WDPCP: variants seen among roughly 807,000 people sequenced by gnomAD.
The protein encoded by WDPCP is WD repeat-containing and planar cell polarity effector protein fritz homolog.
A neutral mutation model predicts 93.1 loss-of-function variants in WDPCP; 71 were observed. The ratio of observed to expected loss-of-function variants is 0.76; its 90% CI spans 0.63 to 0.93. The LOEUF is 0.93. Among genes scored for constraint, WDPCP ranks in the 40% least tolerant of loss-of-function variants. The pLI is 0.00. For missense variants in WDPCP, 844 were observed against 887.4 expected (o/e 0.95, Z 0.62); for synonymous variants, 315 against 315.0 (o/e 1.00, Z 0.00).
chr2:63,809,673 C>T (rs568166500), intron 2 of WDPCP, among the ~76,000 whole-genome samples: 24 of 151,890 alleles, frequency 1.6e-4, no homozygotes, highest in Admixed American at 4.6e-4. Context: ...GGATTAAGGG[C>T]GGTGCAAGAT....
At chr2:63,717,304 G>A in intron 2 of WDPCP, 1 of 535,798 alleles carries the variant, frequency 1.9e-6, no homozygotes, top group South Asian at 1.5e-5. Flanking sequence ...GATGGTGGCA[G>A]GCCAAATCAC....
intron 2 of WDPCP, among the ~76,000 whole-genome samples, chr2:63,780,167 T>G (rs547490431): frequency 1.3e-5 from 2 of 152,298 alleles, no homozygotes; most frequent in South Asian, 4.1e-4. Context: ...ACTCACATTT[T>G]CAGCTATGCA....
intron 6 of WDPCP, among the ~76,000 whole-genome samples, chr2:63,464,453 A>G (rs1699214860): frequency 2.0e-5 from 3 of 152,286 alleles, no homozygotes; most frequent in African/African-American, 7.2e-5. Context: ...AAATGGTGCA[A>G]CCACTATGAA....
At chr2:63,589,043 C>T (rs572354778), upstream of WDPCP, 99 of 1,614,230 alleles carry the variant, frequency 6.1e-5, no homozygotes, top group Middle Eastern at 1.3e-3. Context: ...AGTTTTCAAT[C>T]ATGGTGAGTG....
intron 14 of WDPCP, among the ~76,000 whole-genome samples, chr2:63,209,280 C>T (rs1213263345): frequency 6.6e-6 from 1 of 152,170 alleles, no homozygotes; most frequent in Non-Finnish European, 1.5e-5. Context: ...GCTGTTTCTG[C>T]CATACTCATT....
chr2:63,717,766 A>G (rs953074802), intron 2 of WDPCP: 1 of 369,504 alleles, frequency 2.7e-6, no homozygotes, highest in Non-Finnish European at 5.2e-6. Flanking sequence ...GAGACGAATT[A>G]CTACATAGTC....
chr2:63,327,606 A>G (rs1575151268), intron 12 of WDPCP, among the ~76,000 whole-genome samples: 1 of 152,160 alleles, frequency 6.6e-6, no homozygotes, highest in African/African-American at 2.4e-5. Flanking sequence ...TTGCTTTTAT[A>G]CTAACCAGTC....
intron 2 of WDPCP, among the ~76,000 whole-genome samples, chr2:63,657,690 A>T (rs968479761): frequency 3.9e-5 from 6 of 152,196 alleles, no homozygotes; most frequent in Admixed American, 3.9e-4. Context: ...ACTTACTGTC[A>T]TTAATTTGTT....
chr2:63,237,417 G>A (rs1438955695), intron 14 of WDPCP, among the ~76,000 whole-genome samples: 1 of 152,176 alleles, frequency 6.6e-6, no homozygotes, highest in East Asian at 1.9e-4. Flanking sequence ...GTAGAAAGCA[G>A]TTTGGAGATT....
chr2:63,476,984 C>A (rs1267310012), intron 6 of WDPCP, among the ~76,000 whole-genome samples: 2 of 152,052 alleles, frequency 1.3e-5, no homozygotes, highest in African/African-American at 4.8e-5. Context: ...CCTGAAAATG[C>A]AGAATTGTTA....
chr2:63,120,627 C>T lies in WDPCP; in HGVS notation c.*1379G>A, dbSNP rs747852833. The stretch of plus-strand genomic sequence containing the variant: ...CTGCAGCCTCCGCCCTCCGGGTTCA[C>T]GCCATTCTCCTGCTTCAGCCTCCCA... On this transcript the variant is annotated 3_prime_UTR_variant, in exon 18 of 18. Transcript: ENST00000272321. 6.7e-5 allele frequency among the ~76,000 whole-genome samples: 10 copies of T among 150,376 alleles called. No individual in the cohort carries two copies. Among genetic ancestry groups the T allele is most frequent in the Non-Finnish European group, 8.9e-5 (6 of 67,726 alleles).
chr2:63,439,186 A>G (rs1247753752), intron 7 of WDPCP, among the ~76,000 whole-genome samples: 3 of 152,288 alleles, frequency 2.0e-5, no homozygotes, highest in South Asian at 2.1e-4. Flanking sequence ...TTCCTATTCA[A>G]TAACTGGCTT....
chr2:63,621,827 T>G (rs1709740602), intron 3 of WDPCP, among the ~76,000 whole-genome samples: 1 of 151,940 alleles, frequency 6.6e-6, no homozygotes. Flanking sequence ...GTGGATCTGC[T>G]TGCAGAAACT....
chr2:63,334,071 T>A (rs946947095), intron 12 of WDPCP, among the ~76,000 whole-genome samples: 14 of 152,198 alleles, frequency 9.2e-5, no homozygotes, highest in African/African-American at 3.4e-4. Context: ...ATTGGAATTC[T>A]GGGAGGGGTA....
At chr2:63,800,298 A>C (rs1345850209) in intron 2 of WDPCP, among the ~76,000 whole-genome samples, 1 of 152,174 alleles carries the variant, frequency 6.6e-6, no homozygotes, top group Non-Finnish European at 1.5e-5. Context: ...TTGTATAGTG[A>C]GTAACGGAGC....
At chr2:63,402,905 T>A (rs1353559580) in intron 10 of WDPCP, among the ~76,000 whole-genome samples, 1 of 152,198 alleles carries the variant, frequency 6.6e-6, no homozygotes, top group African/African-American at 2.4e-5. Context: ...AACTACTATT[T>A]GACCTAGGAA....
intron 15 of WDPCP, among the ~76,000 whole-genome samples, chr2:63,157,073 G>A (rs935599752): frequency 2.0e-5 from 3 of 149,516 alleles, no homozygotes; most frequent in South Asian, 2.1e-4. Flanking sequence ...AATTATGAAT[G>A]GGTATGGAAT....
At chr2:63,802,240 G>T (rs1455834399) in intron 2 of WDPCP, among the ~76,000 whole-genome samples, 1 of 116,436 alleles carries the variant, frequency 8.6e-6, no homozygotes, top group Non-Finnish European at 1.6e-5. Flanking sequence ...GCATCCAGGA[G>T]TTTGAGACCA....
chr2:63,134,137 A>G (rs1262523662), intron 17 of WDPCP, among the ~76,000 whole-genome samples: 2 of 152,128 alleles, frequency 1.3e-5, no homozygotes, highest in East Asian at 3.9e-4. Flanking sequence ...TCCATTGTCA[A>G]TACAACCCTG....
Sources: gnomAD v4.1 joint callset for allele counts (sites outside exome capture counted in the v4.1 genomes callset) on GRCh38, gnomAD v4.1.1 for gene constraint, MANE v1.5 for transcripts, NCBI Gene and HGNC (gene_info 2026-07-23, HGNC 2026-07-21) for gene names.